FAT3: variants seen among roughly 807,000 people sequenced by gnomAD.
FAT3 encodes the protein protocadherin Fat 3.
Under a neutral mutation model 310.2 loss-of-function variants are expected in FAT3, and 95 were observed. The ratio of observed to expected loss-of-function variants is 0.31; its 90% CI spans 0.26 to 0.36. FAT3 has a LOEUF of 0.36. Among genes scored for constraint, FAT3 ranks in the 10% least tolerant of loss-of-function variants. The probability of loss-of-function intolerance (pLI) is 1.00; values close to 1 mark genes in which losing one functional copy is unlikely to be tolerated. For synonymous variants in FAT3, 2,314 were observed against 2,192.9 expected (o/e 1.06, Z -1.54); for missense variants, 5,408 against 5,715.6 (o/e 0.95, Z 1.74).
intron 2 of FAT3, among the ~76,000 whole-genome samples, chr11:92,369,869 A>AC (rs1949138334): frequency 6.6e-6 from 1 of 152,144 alleles, no homozygotes; most frequent in African/African-American, 2.4e-5. Flanking sequence ...AACAAAAAAA[A>AC]CTGCAAGTTC....
chr11:92,306,108 A>T (rs1304624641), intron 1 of FAT3, among the ~76,000 whole-genome samples: 4 of 152,092 alleles, frequency 2.6e-5, no homozygotes, highest in Non-Finnish European at 5.9e-5. Context: ...AGGAGATATT[A>T]TGCTTTATTG....
At chr11:92,365,181 G>A (rs1210399538) in intron 2 of FAT3, among the ~76,000 whole-genome samples, 1 of 152,088 alleles carries the variant, frequency 6.6e-6, no homozygotes, top group African/African-American at 2.4e-5. Context: ...GAGGTGGGAG[G>A]ATCACTTGTG....
chr11:92,236,056 T>C (rs1406506694), intron 1 of FAT3, among the ~76,000 whole-genome samples: 3 of 152,198 alleles, frequency 2.0e-5, no homozygotes, highest in Non-Finnish European at 2.9e-5. Flanking sequence ...ATGTTATTAT[T>C]ATAAGAATCC....
intron 24 of FAT3, among the ~76,000 whole-genome samples, chr11:92,885,548 G>A (rs1452184683): frequency 6.6e-6 from 1 of 152,138 alleles, no homozygotes; most frequent in Admixed American, 6.5e-5. Flanking sequence ...TCTTTCTGTA[G>A]ACACATGTAT....
chr11:92,748,945 G>A (rs1230103011), intron 4 of FAT3: 1 of 152,122 alleles, frequency 6.6e-6, no homozygotes, highest in Non-Finnish European at 1.5e-5. Flanking sequence ...GAAATGGCAG[G>A]AAGCACTTGT....
intron 2 of FAT3, among the ~76,000 whole-genome samples, chr11:92,412,730 T>TACACACAC (rs1404101314): frequency 4.4e-5 from 1 of 22,890 alleles, no homozygotes; most frequent in East Asian, 1.8e-3. Flanking sequence ...TATATATATA[T>TACACACAC]ATATATATAT....
intron 3 of FAT3, among the ~76,000 whole-genome samples, chr11:92,635,607 C>T (rs1941737922): frequency 6.6e-6 from 1 of 152,114 alleles, no homozygotes; most frequent in African/African-American, 2.4e-5. Context: ...ACCTTCCAGC[C>T]ATTTGTTCAA....
At chr11:92,881,611 C>G (rs1949672350) in intron 23 of FAT3, among the ~76,000 whole-genome samples, 1 of 150,252 alleles carries the variant, frequency 6.7e-6, no homozygotes, top group Non-Finnish European at 1.5e-5. Context: ...GTCCTCACCT[C>G]TATCTGTTCA....
At chr11:92,842,879 C>T (rs939692183) in intron 18 of FAT3, among the ~76,000 whole-genome samples, 5 of 152,158 alleles carry the variant, frequency 3.3e-5, no homozygotes, top group African/African-American at 9.7e-5. Flanking sequence ...GAGACCATGC[C>T]TCTAAATAAA....
intron 3 of FAT3, among the ~76,000 whole-genome samples, chr11:92,599,389 A>G (rs1939893507): frequency 6.6e-6 from 1 of 152,128 alleles, no homozygotes; most frequent in African/African-American, 2.4e-5. Context: ...TGAGAACAAC[A>G]TGGAGGTAAC....
At chr11:92,626,069 T>A (rs1591536058) in intron 3 of FAT3, among the ~76,000 whole-genome samples, 1 of 152,096 alleles carries the variant, frequency 6.6e-6, no homozygotes, top group East Asian at 1.9e-4. Flanking sequence ...TAATGGAGGA[T>A]TAGCTGGAGG....
At chr11:92,365,279 CAAAT>C (rs934962115) in intron 2 of FAT3, among the ~76,000 whole-genome samples, 11 of 151,842 alleles carry the variant, frequency 7.2e-5, no homozygotes, top group Non-Finnish European at 1.3e-4. Context: ...GAAAAACAAA[CAAAT>C]AAAAAATGAA....
chr11:92,604,367 C>T (rs1210783359), intron 3 of FAT3, among the ~76,000 whole-genome samples: 1 of 152,174 alleles, frequency 6.6e-6, no homozygotes, highest in African/African-American at 2.4e-5. Context: ...TTAGTCCTTA[C>T]TTCCTTCTAC....
At chr11:92,580,595 AT>A (rs1232403761) in intron 3 of FAT3, among the ~76,000 whole-genome samples, 1 of 151,980 alleles carries the variant, frequency 6.6e-6, no homozygotes, top group Non-Finnish European at 1.5e-5. Flanking sequence ...CACTTTGAAG[AT>A]GTTGATGTCT....
chr11:92,308,775 T>C (rs796929391), intron 1 of FAT3, among the ~76,000 whole-genome samples: 5 of 152,316 alleles, frequency 3.3e-5, no homozygotes, highest in African/African-American at 9.6e-5. Flanking sequence ...TCATGCCCTC[T>C]GTATCCTTTC....
intron 2 of FAT3, among the ~76,000 whole-genome samples, chr11:92,443,113 C>T (rs72972436): frequency 0.027 from 4,041 of 152,114 alleles, 64 homozygotes; most frequent in Middle Eastern, 0.034. Context: ...TATTTTCGTG[C>T]CTTATACTTT....
At chr11:92,640,951 A>AATCCC (rs1334183956) in intron 3 of FAT3, among the ~76,000 whole-genome samples, 1 of 152,186 alleles carries the variant, frequency 6.6e-6, no homozygotes, top group East Asian at 1.9e-4. Context: ...TCACACCTGC[A>AATCCC]ATCCCAGCAC....
At chr11:92,823,808 A>G (rs2136239775) in intron 13 of FAT3, among the ~76,000 whole-genome samples, 1 of 152,346 alleles carries the variant, frequency 6.6e-6, no homozygotes, top group Non-Finnish European at 1.5e-5. Context: ...AACTTTTAAA[A>G]GGCACTTAAA....
chr11:92,341,853 C>T (rs1458852026), intron 1 of FAT3, among the ~76,000 whole-genome samples: 1 of 152,122 alleles, frequency 6.6e-6, no homozygotes, highest in Non-Finnish European at 1.5e-5. Flanking sequence ...ATTATTTTCT[C>T]CCTTCTCCTC....
Sources: gnomAD v4.1 joint callset for allele counts (sites outside exome capture counted in the v4.1 genomes callset) on GRCh38, gnomAD v4.1.1 for gene constraint, MANE v1.5 for transcripts, NCBI Gene and HGNC (gene_info 2026-07-23, HGNC 2026-07-21) for gene names.